NOS1AP: variants seen among roughly 807,000 people sequenced by gnomAD.
NOS1AP encodes nitric oxide synthase 1 adaptor protein.
NOS1AP carries 21 observed loss-of-function variants against 56.2 expected under a neutral mutation model. The observed-to-expected ratio is 0.37, with a 90% CI of 0.26 to 0.54. The LOEUF is 0.54. Ranked by LOEUF, NOS1AP falls within the 20% of genes least tolerant of loss-of-function variation. The probability of loss-of-function intolerance (pLI) is 0.84; values close to 1 mark genes in which losing one functional copy is unlikely to be tolerated. For missense variants in NOS1AP, 522 were observed against 657.8 expected, an observed-to-expected ratio of 0.79 and a Z score of 2.26; for synonymous variants, 270 against 274.6, an observed-to-expected ratio of 0.98 and a Z score of 0.17.
intron 8 of NOS1AP, among the ~76,000 whole-genome samples, chr1:162,362,045 A>G (rs1424760775): frequency 6.6e-6 from 1 of 152,202 alleles, no homozygotes; most frequent in Non-Finnish European, 1.5e-5. Context: ...GTCCAGAGAG[A>G]AGTGAGTTGT....
intron 2 of NOS1AP, among the ~76,000 whole-genome samples, chr1:162,235,016 A>G (rs1163282847): frequency 6.6e-6 from 1 of 152,178 alleles, no homozygotes; most frequent in Non-Finnish European, 1.5e-5. Flanking sequence ...CAACCTGTTC[A>G]TTTAGATTTG....
At chr1:162,139,462 C>A (rs1039853967) in intron 1 of NOS1AP, among the ~76,000 whole-genome samples, 1 of 152,138 alleles carries the variant, frequency 6.6e-6, no homozygotes. Flanking sequence ...GATCTCAGTG[C>A]TGGAGGAACA....
chr1:162,334,350 A>G (rs1656871261), intron 5 of NOS1AP, among the ~76,000 whole-genome samples: 1 of 152,214 alleles, frequency 6.6e-6, no homozygotes, highest in Admixed American at 6.5e-5. Flanking sequence ...CATCTAGATA[A>G]TAGTATAGCT....
At chr1:162,328,694 G>A (rs1656669316) in intron 4 of NOS1AP, among the ~76,000 whole-genome samples, 1 of 152,198 alleles carries the variant, frequency 6.6e-6, no homozygotes, top group Admixed American at 6.5e-5. Flanking sequence ...CTGAAATCCA[G>A]GTCTGTCCCC....
At chr1:162,091,400 G>C (rs78063387) in intron 1 of NOS1AP, among the ~76,000 whole-genome samples, 2 of 152,044 alleles carry the variant, frequency 1.3e-5, no homozygotes, top group Admixed American at 1.3e-4. Context: ...TATCATACTG[G>C]CTATTGGTGA....
intron 2 of NOS1AP, among the ~76,000 whole-genome samples, chr1:162,227,070 T>C (rs1652968625): frequency 6.6e-6 from 1 of 152,216 alleles, no homozygotes; most frequent in Non-Finnish European, 1.5e-5. Flanking sequence ...TAATGATTAA[T>C]ACATGGTTAT....
intron 6 of NOS1AP, among the ~76,000 whole-genome samples, chr1:162,350,520 T>A (rs1039177243): frequency 1.3e-5 from 2 of 152,340 alleles, no homozygotes; most frequent in African/African-American, 4.8e-5. Flanking sequence ...CTTCTCTGAC[T>A]CCTTCTGGAG....
chr1:162,360,076 C>T (rs1657849665), intron 8 of NOS1AP, among the ~76,000 whole-genome samples: 1 of 143,784 alleles, frequency 7.0e-6, no homozygotes, highest in Admixed American at 7.0e-5. Context: ...GGGGACCAGG[C>T]TTAGGTTTCC....
At position 162,367,510 on chromosome 1, in the gene NOS1AP, G is replaced by A. The variant is rs1178065765; in HGVS notation, c.*43G>A. The A allele has an allele frequency of 1.3e-6, 2 of 1,507,898 alleles. No homozygotes were observed. The highest frequency in any genetic ancestry group is 1.4e-5 in the African/African-American group (1 of 72,720). The allele number at this position is 1,507,898 out of a possible 1,614,324, so 93.4% of individuals were successfully genotyped here. On this transcript the variant is annotated 3_prime_UTR_variant, in exon 10 of 10. Transcript: ENST00000361897. This position sits in a 1 kb window ranked among gnomAD's most constrained non-coding sequence, Gnocchi z 6.5. ...ATGGAGGCGGCGGCGTGGCTGGAGG[G>A]GCCGTGTCTGGCTGCTGCCCGGGTA...
chr1:162,342,411 C>A, intron 5 of NOS1AP: 1 of 418,562 alleles, frequency 2.4e-6, no homozygotes, highest in Non-Finnish European at 4.8e-6. Context: ...GATGCTCTGG[C>A]CTGAAATAAG....
chr1:162,316,114 C>T (rs773792131), intron 4 of NOS1AP, among the ~76,000 whole-genome samples: 10 of 152,058 alleles, frequency 6.6e-5, no homozygotes, highest in Non-Finnish European at 8.8e-5. Flanking sequence ...AATGAATGAA[C>T]GAACGAATGA....
intron 5 of NOS1AP, among the ~76,000 whole-genome samples, chr1:162,343,380 G>A (rs1434787933): frequency 1.3e-5 from 2 of 152,154 alleles, no homozygotes; most frequent in African/African-American, 4.8e-5. Flanking sequence ...CTGCTGTTTA[G>A]GCCATGGCTT....
In NOS1AP at chr1:162,115,397, G is replaced by GT. The variant is rs1284433353; in HGVS notation, c.106-38995dup. On this transcript the variant is annotated intron_variant, in intron 1 of 9. Transcript: ENST00000361897. The stretch of plus-strand genomic sequence containing the variant: ...CACCTCTTTGAGCCTCAGGTGCTCT[G>GT]TTTTTTTTTTTTTAAAGAAGGTAAG... 4.0e-3 allele frequency among the ~76,000 whole-genome samples: 580 copies of GT among 144,442 alleles called. 1 individual carries two copies. Among genetic ancestry groups the GT allele is most frequent in the Middle Eastern group, 7.0e-3 (2 of 286 alleles). 94.8% of individuals were successfully genotyped at this position (144,442 alleles called of 152,430 possible). A position where few individuals can be genotyped will look rare whatever the true frequency, so the allele number is the denominator to read the frequency against.
intron 2 of NOS1AP, among the ~76,000 whole-genome samples, chr1:162,170,634 A>G (rs1453798602): frequency 6.6e-6 from 1 of 152,252 alleles, no homozygotes; most frequent in East Asian, 1.9e-4. Flanking sequence ...GTGCTAAGAA[A>G]CCAAGGAACA....
At chr1:162,236,265 T>C (rs947872140) in intron 2 of NOS1AP, among the ~76,000 whole-genome samples, 1 of 152,210 alleles carries the variant, frequency 6.6e-6, no homozygotes, top group East Asian at 1.9e-4. Flanking sequence ...TCAGCAATTT[T>C]GAATATGTAC....
intron 2 of NOS1AP, among the ~76,000 whole-genome samples, chr1:162,213,185 T>A (rs879557460): frequency 6.6e-6 from 1 of 152,126 alleles, no homozygotes; most frequent in African/African-American, 2.4e-5. Context: ...AGGAAGGAAA[T>A]GAACGTATGA....
chr1:162,251,857 GTT>G (rs771192069), intron 2 of NOS1AP, among the ~76,000 whole-genome samples: 1 of 100,446 alleles, frequency 1.0e-5, no homozygotes, highest in East Asian at 3.2e-4. Context: ...CTAGCTAGTT[GTT>G]TTTTTTTTTG....
intron 2 of NOS1AP, among the ~76,000 whole-genome samples, chr1:162,254,478 A>G (rs1653963409): frequency 6.6e-6 from 1 of 152,206 alleles, no homozygotes; most frequent in African/African-American, 2.4e-5. Context: ...CTAGATGATG[A>G]TGGAGCACGA....
intron 1 of NOS1AP, among the ~76,000 whole-genome samples, chr1:162,102,861 A>ATTAATT (rs1277417506): frequency 1.3e-5 from 2 of 151,284 alleles, no homozygotes; most frequent in African/African-American, 4.9e-5. Context: ...GGTCTATTTT[A>ATTAATT]TTAATTTTTT....
Sources: allele counts gnomAD v4.1 joint callset (sites outside exome capture counted in the v4.1 genomes callset), GRCh38; gene constraint gnomAD v4.1.1; non-coding constraint Gnocchi (gnomAD v3.1); transcripts MANE v1.5; gene names NCBI Gene and HGNC (gene_info 2026-07-23, HGNC 2026-07-21).